SMIM27: variants seen among roughly 807,000 people sequenced by gnomAD.
SMIM27 encodes TOPORS antisense RNA 1 (non-protein coding).
In SMIM27, 3 loss-of-function variants were observed where a neutral mutation model predicts 1.8. The observed-to-expected ratio is 1.65, with a 90% CI of 0.75 to 4.28. SMIM27 has a LOEUF of 4.28. SMIM27 is among the 30% of genes most tolerant of loss of function. SMIM27 has a pLI of 0.02. For synonymous variants in SMIM27, 19 were observed against 13.9 expected (o/e 1.37, Z -0.82); for missense variants, 63 against 37.0 (o/e 1.70, Z -1.83).
At chr9:32,558,017 CACAA>C (rs1821517714) in intron 1 of SMIM27, among the ~76,000 whole-genome samples, 1 of 152,184 alleles carries the variant, frequency 6.6e-6, no homozygotes, top group South Asian at 2.1e-4. Context: ...ACAATAACCT[CACAA>C]ACAGCTAGTA....
chr9:32,554,690 T>C (rs895816341), downstream of SMIM27, among the ~76,000 whole-genome samples: 1 of 152,184 alleles, frequency 6.6e-6, no homozygotes, highest in African/African-American at 2.4e-5. Flanking sequence ...TTTATGCCAT[T>C]ATACATTTGG....
downstream of SMIM27, among the ~76,000 whole-genome samples, chr9:32,554,855 T>C (rs532731253): frequency 4.6e-5 from 7 of 151,948 alleles, no homozygotes; most frequent in Non-Finnish European, 8.8e-5. Flanking sequence ...TGGCAAACTA[T>C]TTAGCAAAAT....
At chr9:32,566,049 TC>T in intron 1 of SMIM27, 1 of 374,976 alleles carries the variant, frequency 2.7e-6, no homozygotes, top group Admixed American at 4.0e-5. Flanking sequence ...TAAGGTTTTT[TC>T]CAGGAGCTAC....
At chr9:32,551,280 A>G, upstream of SMIM27, 1 of 532,380 alleles carries the variant, frequency 1.9e-6, no homozygotes, top group South Asian at 2.0e-5. Flanking sequence ...ATGTCGTTTC[A>G]ACCTTACCAA....
intron 1 of SMIM27, chr9:32,558,847 A>G: frequency 8.7e-7 from 1 of 1,152,294 alleles, no homozygotes; most frequent in African/African-American, 1.5e-5. Context: ...ATTGCTTGGA[A>G]AGGGAGGAAA....
chr9:32,561,142 T>C (rs1821613273), intron 1 of SMIM27, among the ~76,000 whole-genome samples: 1 of 152,200 alleles, frequency 6.6e-6, no homozygotes, highest in Admixed American at 6.5e-5. Flanking sequence ...GATATACAAA[T>C]TGTTAGCCCT....
chr9:32,557,551 C>T (rs888476039), downstream of SMIM27, among the ~76,000 whole-genome samples: 21 of 152,042 alleles, frequency 1.4e-4, no homozygotes, highest in African/African-American at 5.1e-4. Context: ...ACGATCTCAG[C>T]TCACTGCAAC....
In SMIM27 at chr9:32,552,451, G is replaced by A. The variant is rs1381709057; in HGVS notation, c.17G>A (p.Arg6His). The A allele has an allele frequency of 2.5e-6, 4 of 1,604,686 alleles. No individual in the cohort carries two copies. The highest frequency in any genetic ancestry group is 3.4e-6 in the Non-Finnish European group (4 of 1,175,970). The stretch of plus-strand genomic sequence containing the variant: ...CTCCTTACCATGAAGCCAGTAAGTC[G>A]TCGCACGCTGGACTGGATTTATTCA... Reference protein sequence around the residue: MKPVSRRTLDWIYSVL... With the variant: MKPVSHRTLDWIYSVL... The change falls in exon 1 of 2, where the codon CGT becomes CAT. Residue 6 changes from arginine (R) to histidine (H), a missense_variant. Transcript: ENST00000692500.
chr9:32,552,825 T>C lies in SMIM27; in HGVS notation c.70T>C (p.Ser24Pro). Residue 24 changes from serine to proline, a missense_variant, in exon 2 of 2, where the codon TCC becomes CCC. Coordinates refer to ENST00000692500, the MANE Select transcript of SMIM27 (RefSeq NM_001387564.1). ...SVLLLAIVLI[S>P]WGCIIYASMV... ...GTTGCTGCTTGCCATCGTTTTAATC[T>C]CCTGGGGCTGCATCATCTATGCTTC... 5 of 702,654 alleles carry C rather than the reference T, an allele frequency of 7.1e-6. No homozygotes were observed. The highest frequency in any genetic ancestry group is 1.0e-5 in the Non-Finnish European group (4 of 384,810). The allele number at this position is 702,654 out of a possible 1,614,324, so 43.5% of individuals were successfully genotyped here.
At chr9:32,564,419 A>ATG (rs1436851966) in intron 1 of SMIM27, among the ~76,000 whole-genome samples, 1 of 152,172 alleles carries the variant, frequency 6.6e-6, no homozygotes, top group Non-Finnish European at 1.5e-5. Context: ...CCCCGAGACA[A>ATG]GCAACTCTAT....
At chr9:32,552,662 T>C in intron 1 of SMIM27, 139 bp from the exon 2 acceptor site, 1 of 655,390 alleles carries the variant, frequency 1.5e-6, no homozygotes, top group South Asian at 1.7e-5. Context: ...TAAGGGCTGC[T>C]GGGTGTACCC....
intron 1 of SMIM27, among the ~76,000 whole-genome samples, chr9:32,565,793 G>A (rs142257218): frequency 0.018 from 2,779 of 152,182 alleles, 85 homozygotes; most frequent in African/African-American, 0.062. Context: ...CCAACATGGC[G>A]AAACCCTGTC....
intron 1 of SMIM27, among the ~76,000 whole-genome samples, chr9:32,565,817 C>T (rs763300166): frequency 5.3e-5 from 8 of 152,036 alleles, no homozygotes; most frequent in Admixed American, 1.3e-4. Flanking sequence ...ACTAAAAATA[C>T]AAAAATTAGC....
chr9:32,564,678 GTC>G (rs1419080081), intron 1 of SMIM27, among the ~76,000 whole-genome samples: 1 of 151,990 alleles, frequency 6.6e-6, no homozygotes, highest in East Asian at 1.9e-4. Flanking sequence ...CTTCCAGATT[GTC>G]TCTGCGCACT....
upstream of SMIM27, chr9:32,551,379 C>T (rs1376318117): frequency 3.0e-6 from 1 of 337,470 alleles, no homozygotes; most frequent in African/African-American, 2.1e-5. Flanking sequence ...TGTTGTACGC[C>T]TCCCGGAAGC....
chr9:32,566,516 G>A (rs1320003178), exon 2 of SMIM27: 9 of 771,648 alleles, frequency 1.2e-5, no homozygotes, highest in Non-Finnish European at 2.2e-5. Flanking sequence ...GTGCAGAGAC[G>A]GCTGCCACCC....
chr9:32,565,291 CA>C (rs373202494), intron 1 of SMIM27: 161 of 136,344 alleles, frequency 1.2e-3, no homozygotes, highest in Admixed American at 1.3e-3. Flanking sequence ...GACCCTGTCT[CA>C]AAAAAAAAAA....
intron 1 of SMIM27, chr9:32,566,191 TGG>T: frequency 2.7e-6 from 2 of 754,274 alleles, no homozygotes; most frequent in South Asian, 3.0e-5. Context: ...CAACCTTGTC[TGG>T]GGTTTGTAGA....
At chr9:32,558,807 G>A in intron 1 of SMIM27, 1 of 792,710 alleles carries the variant, frequency 1.3e-6, no homozygotes, top group Non-Finnish European at 1.9e-6. Flanking sequence ...TAAACCGAAA[G>A]TGAGAAGGAA....
Sources: gnomAD v4.1 joint callset for allele counts (sites outside exome capture counted in the v4.1 genomes callset) on GRCh38, gnomAD v4.1.1 for gene constraint, MANE v1.5 for transcripts, NCBI Gene and HGNC (gene_info 2026-07-23, HGNC 2026-07-21) for gene names.